DDX3X: variants seen among roughly 807,000 people sequenced by gnomAD.
DDX3X encodes the protein DEAD-box helicase 3 X-linked.
DDX3X carries 4 observed loss-of-function variants against 52.7 expected under a neutral mutation model. The ratio of observed to expected loss-of-function variants is 0.08; its 90% CI spans 0.04 to 0.17. The LOEUF (loss-of-function observed/expected upper bound fraction) is 0.17. Among genes scored for constraint, DDX3X ranks in the 10% least tolerant of loss-of-function variants. The pLI, the probability that DDX3X is intolerant of heterozygous loss-of-function variation, is 1.00. For missense variants in DDX3X, 222 were observed against 548.6 expected, an observed-to-expected ratio of 0.40 and a Z score of 5.95; for synonymous variants, 192 against 178.1, an observed-to-expected ratio of 1.08 and a Z score of -0.62.
In DDX3X at chrX:41,349,948, CAT is replaced by C. The variant is rs1382198766; in HGVS notation, c.*2230_*2231del. 3.8e-5 allele frequency: 4 copies of C among 104,753 alleles called. No homozygotes were observed. Among genetic ancestry groups the C allele is most frequent in the Non-Finnish European group, 5.8e-5 (3 of 51,467 alleles). The allele number at this position is 104,753 out of a possible 1,213,427, so 8.6% of individuals were successfully genotyped here. A position where few individuals can be genotyped will look rare whatever the true frequency, so the allele number is the denominator to read the frequency against. ...TGTCTGGCACATTGCAATCCTCAAA[CAT>C]GTGGTTATCTTTGTTGTATTGGCAT... On this transcript the variant is annotated 3_prime_UTR_variant, in exon 17 of 17. Transcript: ENST00000644876.
chrX:41,350,545 A>G (rs1182912766), downstream of DDX3X: 3 of 111,730 alleles, frequency 2.7e-5, no homozygotes, highest in Non-Finnish European at 5.6e-5. Flanking sequence ...AGGATGGTTG[A>G]ACAGTGGAAG....
rs757943965 is a variant in DDX3X at position 41,334,306 on chromosome X, C to G, written c.45+9C>G. On this transcript the variant is annotated intron_variant, in intron 1 of 16. Coordinates refer to ENST00000644876, the MANE Select transcript of DDX3X (RefSeq NM_001356.5). ...TCGGGCTGGACCAGCAGGTGAGCCG[C>G]AAGAACCCCACCGGGCTGGCTGCTG... 15 of 1,210,452 alleles carry G rather than the reference C, an allele frequency of 1.2e-5. No homozygotes were observed. Among genetic ancestry groups the G allele is most frequent in the Non-Finnish European group, 1.6e-5 (14 of 894,543 alleles).
chrX:41,344,156 C>G, intron 9 of DDX3X, 28 bp downstream of exon 9: 6 of 1,187,667 alleles, frequency 5.1e-6, no homozygotes, highest in Non-Finnish European at 6.8e-6. Flanking sequence ...TGATTATTAG[C>G]TTTTTCATTG....
chrX:41,341,423 C>G, intron 3 of DDX3X, 61 bp from the exon 4 acceptor site: 2 of 1,005,619 alleles, frequency 2.0e-6, no homozygotes, highest in East Asian at 3.3e-5. Context: ...ATTGATAATA[C>G]CTTAACATGG....
At position 41,334,360 on chromosome X, in the gene DDX3X, C is replaced by T. The variant is rs1263103105; in HGVS notation, c.45+63C>T. Reference sequence around the variant, plus strand: ...GAATTCCTCCCCTGACCTAACCTGGCTAATGGCGCAGCGCTAACCGGCACC... The same window carrying T: ...GAATTCCTCCCCTGACCTAACCTGGTTAATGGCGCAGCGCTAACCGGCACC... On this transcript the variant is annotated intron_variant, in intron 1 of 16. Coordinates refer to ENST00000644876, the MANE Select transcript of DDX3X (RefSeq NM_001356.5). 4 of 1,180,004 alleles carry T rather than the reference C, an allele frequency of 3.4e-6. No individual in the cohort carries two copies. The South Asian group carries it at 7.4e-5, about 22-fold the overall frequency.
chrX:41,335,370 C>A (rs1162840425), intron 1 of DDX3X: 1 of 111,403 alleles, frequency 9.0e-6, no homozygotes, highest in African/African-American at 3.3e-5. Flanking sequence ...TTGTTGCTAT[C>A]TGTGGAGTAG....
chrX:41,341,651 T>G (rs2063852550), intron 4 of DDX3X, 35 bp downstream of exon 4: 2 of 1,175,257 alleles, frequency 1.7e-6, no homozygotes, highest in Non-Finnish European at 2.3e-6. Flanking sequence ...CGTGTATGTA[T>G]AATAACAGTT....
intron 1 of DDX3X, chrX:41,334,948 C>T: frequency 9.5e-6 from 2 of 211,428 alleles, no homozygotes; most frequent in East Asian, 2.0e-4. Flanking sequence ...CGGGTTCCTT[C>T]CGCTGGCTTT....
Position 41,345,249 on chromosome X carries a change from C to T in DDX3X, c.1095C>T (p.Val365=), listed in dbSNP as rs546763977. The change falls in exon 11 of 17, where the codon GTC becomes GTT. Residue 365 remains valine (V), a synonymous_variant. Transcript: ENST00000644876. ...MGFEPQIRRI[V]EQDTMPPKGV... The stretch of plus-strand genomic sequence containing the variant: ...TTGAGCCTCAGATTCGTAGAATAGT[C>T]GAACAAGATACTATGCCTCCAAAGG... The T allele has an allele frequency of 3.8e-5, 46 of 1,207,949 alleles. No homozygotes were observed. The South Asian group carries it at 4.1e-4, about 11-fold the overall frequency.
intron 5 of DDX3X, among the ~76,000 whole-genome samples, chrX:41,360,889 A>G (rs1000453447): frequency 3.7e-5 from 4 of 107,370 alleles, no homozygotes; most frequent in Non-Finnish European, 7.7e-5. Flanking sequence ...TGGGGGGGGC[A>G]CAGTTGGGGT....
chrX:41,334,319 G>A, intron 1 of DDX3X, 22 bp downstream of exon 1: 2 of 1,208,337 alleles, frequency 1.7e-6, no homozygotes, highest in Admixed American at 2.2e-5. Flanking sequence ...GAACCCCACC[G>A]GGCTGGCTGC....
At chrX:41,350,784 CTA>C (rs757059970), downstream of DDX3X, 1 of 111,797 alleles carries the variant, frequency 8.9e-6, no homozygotes, top group East Asian at 2.8e-4. Flanking sequence ...AATAAGACAT[CTA>C]TGCTTACTGT....
Position 41,348,314 on chromosome X carries a change from T to TAA in DDX3X, c.*596_*597insAA, listed in dbSNP as rs2063951895. 8.4e-6 allele frequency: 1 copy of TAA among 118,434 alleles called. No homozygotes were observed. The highest frequency in any genetic ancestry group is 1.7e-5 in the Non-Finnish European group (1 of 57,236). 9.8% of individuals were successfully genotyped at this position (118,434 alleles called of 1,213,427 possible). ...AATTAGTTTCTAATGTGGCAAACTG[T>TAA]ATTAAGTTAAAGTTCTGATTTGCTC... On this transcript the variant is annotated 3_prime_UTR_variant, in exon 17 of 17. Transcript: ENST00000644876.
chrX:41,346,207 A>AAT, intron 12 of DDX3X, 22 bp from the exon 13 acceptor site: 1 of 1,188,467 alleles, frequency 8.4e-7, no homozygotes, highest in Non-Finnish European at 1.1e-6. Context: ...AGTGACAAAA[A>AAT]CCTATAATTT....
chrX:41,334,485 T>C, intron 1 of DDX3X, 188 bp downstream of exon 1: 2 of 1,096,698 alleles, frequency 1.8e-6, no homozygotes, highest in Non-Finnish European at 1.2e-6. Flanking sequence ...CCGGGCCCGG[T>C]CTCGGCCCGC....
At chrX:41,334,058 C>G, upstream of DDX3X, 1 of 437,758 alleles carries the variant, frequency 2.3e-6, no homozygotes, top group East Asian at 3.9e-5. Flanking sequence ...CAGAAGTCGC[C>G]GCGACAGGGA....
At chrX:41,341,729 C>T (rs189937233) in intron 4 of DDX3X, 113 bp downstream of exon 4, 16 of 772,567 alleles carry the variant, frequency 2.1e-5, no homozygotes, top group Non-Finnish European at 3.0e-5. Flanking sequence ...ATTGTATTTT[C>T]TTAGCCGTAA....
chrX:41,343,172 A>G, intron 6 of DDX3X, 44 bp from the exon 7 acceptor site: 8 of 1,173,073 alleles, frequency 6.8e-6, no homozygotes, highest in Non-Finnish European at 9.1e-6. Context: ...TAAAACAGAA[A>G]TAGCTCTAGA....
intron 3 of DDX3X, chrX:41,340,192 A>C (rs2063829826): frequency 8.9e-6 from 1 of 112,063 alleles, no homozygotes; most frequent in Non-Finnish European, 1.9e-5. Flanking sequence ...TACAGGCGTG[A>C]GCCACCATGC....
Sources: allele counts gnomAD v4.1 joint callset (sites outside exome capture counted in the v4.1 genomes callset), GRCh38; gene constraint gnomAD v4.1.1; transcripts MANE v1.5; gene names NCBI Gene and HGNC (gene_info 2026-07-23, HGNC 2026-07-21).